Variants in IGF2BP2 observed in about 807,000 individuals in gnomAD.
IGF2BP2 encodes the protein insulin-like growth factor 2 mRNA-binding protein 2.
In IGF2BP2, 17 loss-of-function variants were observed where a neutral mutation model predicts 75.8. That is an observed-to-expected ratio of 0.22 (90% confidence interval 0.15 to 0.34). The LOEUF (loss-of-function observed/expected upper bound fraction) is 0.34. Ranked by LOEUF, IGF2BP2 falls within the 10% of genes least tolerant of loss-of-function variation. IGF2BP2 has a pLI of 1.00. For missense variants in IGF2BP2, 516 were observed against 772.4 expected (o/e 0.67, Z 3.93); for synonymous variants, 288 against 295.6 (o/e 0.97, Z 0.26).
Position 185,692,694 on chromosome 3 carries a change from C to T in IGF2BP2, c.404+5G>A, listed in dbSNP as rs1410563001. ...TTAAACAGAAATAAGCCCAAATCTG[C>T]TTACATTTTTGCTTCTTCTCTTGTT... On this transcript the variant is annotated splice_donor_5th_base_variant and intron_variant, in intron 5 of 15. Transcript: ENST00000382199. The T allele has an allele frequency of 6.2e-7, 1 of 1,609,980 alleles. No homozygotes were observed. The highest frequency in any genetic ancestry group is 8.5e-7 in the Non-Finnish European group (1 of 1,176,652).
intron 7 of IGF2BP2, 116 bp downstream of exon 7, chr3:185,686,941 T>C (rs1396593415): frequency 1.3e-5 from 15 of 1,124,738 alleles, no homozygotes; most frequent in Non-Finnish European, 1.8e-5. Flanking sequence ...AATCCCTCCC[T>C]GCCTCTGTTA....
chr3:185,718,877 C>T (rs1026444075), intron 2 of IGF2BP2, among the ~76,000 whole-genome samples: 1 of 152,082 alleles, frequency 6.6e-6, no homozygotes, highest in African/African-American at 2.4e-5. Context: ...GAGTCAAGAA[C>T]CACCATTTTG....
intron 12 of IGF2BP2, among the ~76,000 whole-genome samples, chr3:185,653,897 T>C (rs1715010787): frequency 6.6e-6 from 1 of 152,184 alleles, no homozygotes; most frequent in Admixed American, 6.5e-5. Context: ...ACCCTCGGTG[T>C]TGCATTTGTG....
At chr3:185,691,868 G>T (rs1721995380) in intron 5 of IGF2BP2, among the ~76,000 whole-genome samples, 1 of 152,062 alleles carries the variant, frequency 6.6e-6, no homozygotes, top group Non-Finnish European at 1.5e-5. Context: ...CCAAGTAGCT[G>T]GAACTACAGG....
intron 3 of IGF2BP2, among the ~76,000 whole-genome samples, chr3:185,697,999 C>G (rs1000159113): frequency 2.0e-5 from 3 of 152,140 alleles, no homozygotes; most frequent in African/African-American, 7.2e-5. Context: ...TACAAACCAA[C>G]AAACCATGAG....
chr3:185,664,713 T>C (rs1577871447), intron 10 of IGF2BP2, among the ~76,000 whole-genome samples: 2 of 152,202 alleles, frequency 1.3e-5, no homozygotes, highest in East Asian at 3.9e-4. Flanking sequence ...GAAAAGCCCA[T>C]CAATGCACGA....
At chr3:185,696,239 G>C (rs952809860) in intron 4 of IGF2BP2, among the ~76,000 whole-genome samples, 2 of 152,198 alleles carry the variant, frequency 1.3e-5, no homozygotes, top group African/African-American at 4.8e-5. Context: ...CTCAGTCCAA[G>C]ACATTAGGGA....
At chr3:185,754,399 C>T (rs929185855) in intron 2 of IGF2BP2, among the ~76,000 whole-genome samples, 5 of 152,056 alleles carry the variant, frequency 3.3e-5, no homozygotes, top group East Asian at 1.9e-4. Flanking sequence ...AATTAAACTT[C>T]GTTTCTTTAT....
intron 2 of IGF2BP2, among the ~76,000 whole-genome samples, chr3:185,783,275 G>A (rs530769107): frequency 6.6e-6 from 1 of 152,286 alleles, no homozygotes; most frequent in South Asian, 2.1e-4. Flanking sequence ...ATAGATTGAA[G>A]CCTCTGCTCT....
At position 185,815,834 on chromosome 3, in the gene IGF2BP2, G is replaced by C. The variant is rs567313862; in HGVS notation, c.239+7319C>G. Among the ~76,000 whole-genome samples the C allele has an allele frequency of 2.6e-5, 4 of 152,214 alleles. No individual in the cohort carries two copies. In the East Asian group the frequency reaches 7.7e-4, roughly 29 times the overall value. On this transcript the variant is annotated intron_variant, in intron 2 of 15. Coordinates refer to ENST00000382199, the MANE Select transcript of IGF2BP2 (RefSeq NM_006548.6). ...ATAAATGCAGGAAAAGTTTACAGTT[G>C]AGGGGAAATGAACTGTACTTCACAT... is the stretch of plus-strand genomic sequence containing the variant.
At chr3:185,774,996 G>A (rs904984482) in intron 2 of IGF2BP2, among the ~76,000 whole-genome samples, 1 of 151,946 alleles carries the variant, frequency 6.6e-6, no homozygotes, top group Non-Finnish European at 1.5e-5. Flanking sequence ...CTCCAGCCTG[G>A]GCAACAGAGT....
At chr3:185,673,777 T>C (rs1192942621) in intron 9 of IGF2BP2, among the ~76,000 whole-genome samples, 1 of 152,224 alleles carries the variant, frequency 6.6e-6, no homozygotes, top group Non-Finnish European at 1.5e-5. Flanking sequence ...CTATAAGATG[T>C]AGTAATTTTG....
intron 12 of IGF2BP2, among the ~76,000 whole-genome samples, chr3:185,655,128 A>AT (rs1039848054): frequency 1.3e-4 from 20 of 152,176 alleles, no homozygotes; most frequent in South Asian, 4.1e-4. Context: ...AACCAGATTG[A>AT]TTTTTTTACT....
intron 1 of IGF2BP2, 103 bp from the exon 2 acceptor site, chr3:185,823,316 GCGCCCCCAAGGGGTCTCCTACCCGGAT>G (rs1206071628): frequency 1.2e-6 from 1 of 841,018 alleles, no homozygotes; most frequent in Non-Finnish European, 1.8e-6. Context: ...CCGCCTTCGG[GCGCCCCCAAGGGGTCTCCTACCCGGAT>G]CGAGCTGGGC....
chr3:185,681,776 C>T (rs1156341227), intron 7 of IGF2BP2, among the ~76,000 whole-genome samples: 1 of 152,046 alleles, frequency 6.6e-6, no homozygotes, highest in Non-Finnish European at 1.5e-5. Context: ...GTATAGTCTC[C>T]GATGATTTTT....
At chr3:185,717,194 AT>A (rs1725773978) in intron 2 of IGF2BP2, 1 of 178,304 alleles carries the variant, frequency 5.6e-6, no homozygotes, top group Non-Finnish European at 1.2e-5. Context: ...ACCCCGGTCT[AT>A]TTATTGGGAG....
At chr3:185,772,883 T>C (rs1357015207) in intron 2 of IGF2BP2, among the ~76,000 whole-genome samples, 1 of 151,998 alleles carries the variant, frequency 6.6e-6, no homozygotes, top group African/African-American at 2.4e-5. Flanking sequence ...TGCCCGGCCC[T>C]TTCCTTCTCT....
rs1042844006 is a variant in IGF2BP2, at chr3:185,706,196, T to C, written c.240-7849A>G. Among the ~76,000 whole-genome samples, 4 of 152,194 alleles carry C rather than the reference T, an allele frequency of 2.6e-5. No homozygotes were observed. The East Asian group carries it at 7.7e-4, about 29-fold the overall frequency. On this transcript the variant is annotated intron_variant, in intron 2 of 15. Coordinates refer to ENST00000382199, the MANE Select transcript of IGF2BP2 (RefSeq NM_006548.6). ...CCATCCTGGGCAACATGGCAAGACC[T>C]CATCTCTACAAAAAGAGATGGTGGA...
In IGF2BP2 at chr3:185,788,710, C is replaced by CTT. The variant is rs1158869748; in HGVS notation, c.239+34441_239+34442dup. On this transcript the variant is annotated intron_variant, in intron 2 of 15. Coordinates refer to ENST00000382199, the MANE Select transcript of IGF2BP2 (RefSeq NM_006548.6). ...TGTAAAGTCCAAAACTGACAAACGA[C>CTT]TTTTTTTTTTTTTTTTTTTTTTTTT... Among the ~76,000 whole-genome samples, 72 of 100,240 alleles carry CTT rather than the reference C, an allele frequency of 7.2e-4. 2 individuals carry two copies. Among genetic ancestry groups the CTT allele is most frequent in the Non-Finnish European group, 1.1e-3 (58 of 51,928 alleles). 65.8% of individuals were successfully genotyped at this position (100,240 alleles called of 152,430 possible).
Sources: gnomAD v4.1 joint callset for allele counts (sites outside exome capture counted in the v4.1 genomes callset) on GRCh38, gnomAD v4.1.1 for gene constraint, MANE v1.5 for transcripts, NCBI Gene and HGNC (gene_info 2026-07-23, HGNC 2026-07-21) for gene names.